The following GRIN2A variants were observed in gnomAD, a reference collection of about 807,000 sequenced individuals.
GRIN2A encodes glutamate ionotropic receptor NMDA type subunit 2A.
In GRIN2A, 22 loss-of-function variants were observed where a neutral mutation model predicts 113.4. The observed-to-expected ratio is 0.19, with a 90% CI of 0.14 to 0.28. The LOEUF (loss-of-function observed/expected upper bound fraction) is 0.28, where lower values mean the gene tolerates loss of function less well. Among genes scored for constraint, GRIN2A ranks in the 10% least tolerant of loss-of-function variants. The pLI is 1.00. For synonymous variants in GRIN2A, 827 were observed against 738.4 expected (o/e 1.12, Z -1.94); for missense variants, 1,502 against 1,887.0 (o/e 0.80, Z 3.78).
intron 2 of GRIN2A, among the ~76,000 whole-genome samples, chr16:10,163,207 A>T (rs977957611): frequency 2.0e-5 from 3 of 152,222 alleles, no homozygotes; most frequent in Admixed American, 1.3e-4. Flanking sequence ...AGCTGGCTTC[A>T]GCTCCTGTGC....
In GRIN2A at chr16:9,826,200, C is replaced by G. The variant is rs539826330; in HGVS notation, c.2007+3223G>C. On this transcript the variant is annotated intron_variant, in intron 9 of 12. Transcript: ENST00000330684. Reference sequence around the variant, plus strand: ...GGATACTGACATACAGAAGGCCAATCATATGGCAAGGCCAGGATTTGAACC... The same window carrying G: ...GGATACTGACATACAGAAGGCCAATGATATGGCAAGGCCAGGATTTGAACC... Among the ~76,000 whole-genome samples the G allele has an allele frequency of 2.6e-5, 4 of 152,238 alleles. No homozygotes were observed. The South Asian group carries it at 8.3e-4, about 32-fold the overall frequency.
chr16:10,100,593 T>C (rs1395373411), intron 2 of GRIN2A, among the ~76,000 whole-genome samples: 5 of 152,224 alleles, frequency 3.3e-5, no homozygotes, highest in African/African-American at 4.8e-5. Context: ...ATAGTCGTTG[T>C]TATAGTGATG....
chr16:9,990,844 A>G lies in GRIN2A; in HGVS notation c.415-52293T>C, dbSNP rs144725196. ...CACTTTGGGAGGCCGAGGCAGGTGG[A>G]TCACCTGAAGTCAGGAGTTTGAGAC... On this transcript the variant is annotated intron_variant, in intron 2 of 12. Transcript: ENST00000330684. 8.3e-3 allele frequency among the ~76,000 whole-genome samples: 1,262 copies of G among 152,306 alleles called. 19 individuals carry two copies. The highest frequency in any genetic ancestry group is 0.029 in the African/African-American group (1,219 of 41,564).
intron 2 of GRIN2A, 100 bp downstream of exon 2, chr16:10,179,898 C>CCAAA: frequency 1.0e-5 from 5 of 490,218 alleles, no homozygotes; most frequent in Non-Finnish European, 1.2e-5. Context: ...ACCCCCACTT[C>CCAAA]ACATCAAGAC....
intron 2 of GRIN2A, chr16:10,112,327 G>C (rs1467834802): frequency 4.6e-6 from 3 of 651,278 alleles, no homozygotes; most frequent in African/African-American, 3.6e-5. Context: ...ATTGACACTG[G>C]TGTGGATGGA....
chr16:10,050,535 T>C (rs1198555428), intron 2 of GRIN2A, among the ~76,000 whole-genome samples: 3 of 151,948 alleles, frequency 2.0e-5, no homozygotes. Flanking sequence ...GAGAATCTAA[T>C]GCCTGTTGAT....
rs548282344 is a variant in GRIN2A, at chr16:9,809,314, C to T, written c.2169-10850G>A. 3.3e-5 allele frequency among the ~76,000 whole-genome samples: 5 copies of T among 152,184 alleles called. No homozygotes were observed. In the South Asian group the frequency reaches 1.0e-3, roughly 32 times the overall value. On this transcript the variant is annotated intron_variant, in intron 10 of 12. Transcript: ENST00000330684. The stretch of plus-strand genomic sequence containing the variant: ...GCACCCCTGTAGTAGCCTGTAAACC[C>T]AGCTACTCTGGTGGCTGAGGCAGGA...
At position 9,886,473 on chromosome 16, in the gene GRIN2A, T is replaced by C. The variant is rs147582567; in HGVS notation, c.1122+4513A>G. ...CTTGCATGGTGGGCTACAGGGTGTA[T>C]AAGAGGGAAGAAAGGAGGTTAAAAC... On this transcript the variant is annotated intron_variant, in intron 4 of 12. Coordinates refer to ENST00000330684, the MANE Select transcript of GRIN2A (RefSeq NM_001134407.3). 6.9e-4 allele frequency among the ~76,000 whole-genome samples: 105 copies of C among 152,194 alleles called. 1 individual carries two copies. In the East Asian group the frequency reaches 0.018, roughly 27 times the overall value.
At chr16:10,078,026 C>A (rs554978094) in intron 2 of GRIN2A, among the ~76,000 whole-genome samples, 1 of 152,266 alleles carries the variant, frequency 6.6e-6, no homozygotes, top group South Asian at 2.1e-4. Flanking sequence ...CTGCAAAATG[C>A]GGTTGTGGTA....
chr16:9,973,598 G>A (rs1357186353), intron 2 of GRIN2A, among the ~76,000 whole-genome samples: 1 of 152,138 alleles, frequency 6.6e-6, no homozygotes. Context: ...TAGGACAAAT[G>A]TGGAGAAAAC....
chr16:10,116,474 G>A (rs988152678), intron 2 of GRIN2A, among the ~76,000 whole-genome samples: 4 of 152,200 alleles, frequency 2.6e-5, no homozygotes, highest in Non-Finnish European at 5.9e-5. Context: ...AAATTAAATA[G>A]AAATTTTTAA....
At chr16:10,048,925 G>T (rs1857539279) in intron 2 of GRIN2A, among the ~76,000 whole-genome samples, 1 of 152,212 alleles carries the variant, frequency 6.6e-6, no homozygotes, top group Non-Finnish European at 1.5e-5. Flanking sequence ...CTGCTGACGT[G>T]GAGGAAGGAG....
chr16:10,114,599 T>C (rs984368892), intron 2 of GRIN2A, among the ~76,000 whole-genome samples: 3 of 152,194 alleles, frequency 2.0e-5, no homozygotes, highest in Non-Finnish European at 1.5e-5. Flanking sequence ...CTAGTTTGTT[T>C]TGGGTAGCTA....
intron 2 of GRIN2A, among the ~76,000 whole-genome samples, chr16:10,065,986 G>A (rs2047641674): frequency 6.6e-6 from 1 of 152,148 alleles, no homozygotes; most frequent in Non-Finnish European, 1.5e-5. Flanking sequence ...TTGAGAGAGG[G>A]CTTTCGGAAA....
At chr16:10,135,164 T>A (rs542046488) in intron 2 of GRIN2A, among the ~76,000 whole-genome samples, 34 of 152,304 alleles carry the variant, frequency 2.2e-4, no homozygotes, top group South Asian at 4.2e-4. Context: ...CCAAGTTCAT[T>A]GCTTGCAAGT....
intron 4 of GRIN2A, among the ~76,000 whole-genome samples, chr16:9,873,673 C>G (rs1340533551): frequency 6.6e-6 from 1 of 152,216 alleles, no homozygotes; most frequent in Non-Finnish European, 1.5e-5. Context: ...GAAGGCTGAA[C>G]AAGTCTCGTC....
chr16:9,916,238 T>C (rs2044247095), intron 3 of GRIN2A, among the ~76,000 whole-genome samples: 1 of 152,206 alleles, frequency 6.6e-6, no homozygotes, highest in Non-Finnish European at 1.5e-5. Flanking sequence ...TTATTAATTA[T>C]GTCTAATTAG....
At chr16:10,153,108 C>T (rs900446040) in intron 2 of GRIN2A, among the ~76,000 whole-genome samples, 53 of 152,138 alleles carry the variant, frequency 3.5e-4, no homozygotes, top group Middle Eastern at 3.4e-3. Context: ...ATTTTGTGTC[C>T]ATGTAGGCCT....
intron 2 of GRIN2A, among the ~76,000 whole-genome samples, chr16:10,097,306 G>T (rs2048313164): frequency 6.6e-6 from 1 of 152,182 alleles, no homozygotes; most frequent in South Asian, 2.1e-4. Flanking sequence ...AAATGCAAGT[G>T]GTTTAAAGCA....
Sources: allele counts gnomAD v4.1 joint callset (sites outside exome capture counted in the v4.1 genomes callset), GRCh38; gene constraint gnomAD v4.1.1; transcripts MANE v1.5; gene names NCBI Gene and HGNC (gene_info 2026-07-23, HGNC 2026-07-21).